Variants in AUTS2 observed in about 807,000 individuals in gnomAD.
AUTS2 encodes the protein autism susceptibility gene 2 protein.
A neutral mutation model predicts 112.4 loss-of-function variants in AUTS2; 17 were observed. That is an observed-to-expected ratio of 0.15 (90% CI 0.10 to 0.23). The LOEUF is 0.23. AUTS2 is among the 10% of genes least tolerant of loss of function. The pLI, the probability that AUTS2 is intolerant of heterozygous loss-of-function variation, is 1.00. For missense variants in AUTS2, 1,510 were observed against 1,701.6 expected (o/e 0.89, Z 1.98); for synonymous variants, 751 against 702.7 (o/e 1.07, Z -1.09).
At chr7:70,367,894 A>G (rs76864588) in intron 4 of AUTS2, among the ~76,000 whole-genome samples, 3,318 of 152,318 alleles carry the variant, frequency 0.022, 51 homozygotes, top group Non-Finnish European at 0.035. Context: ...CTGGGTTAGA[A>G]TCATTCGAAA....
intron 2 of AUTS2, among the ~76,000 whole-genome samples, chr7:70,003,225 A>G (rs867755009): frequency 1.8e-4 from 24 of 132,558 alleles, no homozygotes; most frequent in African/African-American, 6.1e-4. Flanking sequence ...TTATATATGA[A>G]TATATTATAT....
intron 6 of AUTS2, among the ~76,000 whole-genome samples, chr7:70,728,270 T>C (rs1585581764): frequency 6.6e-6 from 1 of 152,250 alleles, no homozygotes; most frequent in African/African-American, 2.4e-5. Context: ...TTAAATGCTT[T>C]ATGCCAGCCA....
At chr7:70,330,076 T>C (rs1315347030) in intron 4 of AUTS2, among the ~76,000 whole-genome samples, 2 of 152,168 alleles carry the variant, frequency 1.3e-5, no homozygotes, top group Admixed American at 1.3e-4. Context: ...TTAAAACTAT[T>C]GCATTGGAGA....
At chr7:69,912,005 A>G (rs577331488) in intron 2 of AUTS2, among the ~76,000 whole-genome samples, 61 of 152,234 alleles carry the variant, frequency 4.0e-4, no homozygotes, top group African/African-American at 1.4e-3. Context: ...ATGCCAAGGG[A>G]CACCTGTAGG....
At chr7:70,431,028 G>A (rs1270449202) in intron 4 of AUTS2, among the ~76,000 whole-genome samples, 2 of 151,814 alleles carry the variant, frequency 1.3e-5, no homozygotes, top group African/African-American at 4.8e-5. Context: ...TAGTAGAGAC[G>A]GGGTTTCACC....
chr7:69,600,046 G>T, intron 1 of AUTS2, 84 bp downstream of exon 1: 1 of 1,387,338 alleles, frequency 7.2e-7, no homozygotes, highest in South Asian at 1.2e-5. Flanking sequence ...CCCTCGCCGC[G>T]CTCCGGGCTG....
chr7:70,448,345 A>G (rs1462119454), intron 5 of AUTS2, among the ~76,000 whole-genome samples: 1 of 152,192 alleles, frequency 6.6e-6, no homozygotes, highest in African/African-American at 2.4e-5. Flanking sequence ...CCTTCAGGGC[A>G]GTTTTTTAAA....
chr7:70,169,971 T>C (rs1216906252), intron 4 of AUTS2, among the ~76,000 whole-genome samples: 2 of 151,986 alleles, frequency 1.3e-5, no homozygotes, highest in Non-Finnish European at 2.9e-5. Flanking sequence ...CTAAATAGCC[T>C]CAAGATCCAA....
chr7:70,708,916 ACT>A (rs1809888247), intron 6 of AUTS2, among the ~76,000 whole-genome samples: 1 of 138,600 alleles, frequency 7.2e-6, no homozygotes, highest in Non-Finnish European at 1.5e-5. Context: ...TTGTTTAAAT[ACT>A]TTTTTTTTTT....
rs546843901 is a variant in AUTS2 at position 70,734,620 on chromosome 7, A to C, written c.743-28250A>C. On this transcript the variant is annotated intron_variant, in intron 6 of 18. Transcript: ENST00000342771. ...ATGTATGGTAGTGTAGTTATCTGGCATCTTATCTGCTCACTGGAAATGTTG... is the reference window on the plus strand; with the variant it reads ...ATGTATGGTAGTGTAGTTATCTGGCCTCTTATCTGCTCACTGGAAATGTTG... Among the ~76,000 whole-genome samples the C allele has an allele frequency of 2.6e-5, 4 of 152,210 alleles. No homozygotes were observed. In the East Asian group the frequency reaches 7.7e-4, roughly 29 times the overall value.
At chr7:69,985,550 G>C (rs540535597) in intron 2 of AUTS2, among the ~76,000 whole-genome samples, 1 of 152,094 alleles carries the variant, frequency 6.6e-6, no homozygotes, top group Non-Finnish European at 1.5e-5. Context: ...CCAAATACTT[G>C]GTCATGGCCT....
chr7:70,180,690 G>A (rs1204814644), intron 4 of AUTS2, among the ~76,000 whole-genome samples: 1 of 152,102 alleles, frequency 6.6e-6, no homozygotes, highest in African/African-American at 2.4e-5. Context: ...TACATGAACT[G>A]CAACCTACAT....
rs560779839 is a variant in AUTS2, at chr7:70,560,401, A to G, written c.690+124620A>G. Among the ~76,000 whole-genome samples the G allele has an allele frequency of 5.9e-5, 9 of 152,334 alleles. No individual in the cohort carries two copies. In the South Asian group the frequency reaches 1.7e-3, roughly 28 times the overall value. On this transcript the variant is annotated intron_variant, in intron 5 of 18. Transcript: ENST00000342771. ...GGTTTTGTCTGTCATATTCGCTGCT[A>G]TATCTGATGTGCCTCCAATGGTCTT...
intron 1 of AUTS2, among the ~76,000 whole-genome samples, chr7:69,629,277 C>T (rs887256966): frequency 3.3e-5 from 5 of 152,180 alleles, no homozygotes; most frequent in Non-Finnish European, 7.3e-5. Context: ...CGTTTACCAC[C>T]TTAACTTTTC....
intron 2 of AUTS2, among the ~76,000 whole-genome samples, chr7:70,002,829 T>C (rs1397212149): frequency 6.6e-6 from 1 of 152,044 alleles, no homozygotes; most frequent in Non-Finnish European, 1.5e-5. Flanking sequence ...AATGTTCACA[T>C]TCTTCACATT....
At chr7:70,294,818 C>T (rs1788859165) in intron 4 of AUTS2, among the ~76,000 whole-genome samples, 1 of 152,200 alleles carries the variant, frequency 6.6e-6, no homozygotes. Flanking sequence ...CTTCCCTTCT[C>T]CGTTAAATAG....
Position 69,713,310 on chromosome 7 carries a change from TC to T in AUTS2, c.309+113350del, listed in dbSNP as rs1204630149. ...TGGTATCAAATTTTGAAATATACAA[TC>T]CAATATCATTAACTATAGTTACCCT... On this transcript the variant is annotated intron_variant, in intron 1 of 18. Transcript: ENST00000342771. 2.6e-5 allele frequency among the ~76,000 whole-genome samples: 4 copies of T among 152,164 alleles called. No individual in the cohort carries two copies. In the East Asian group the frequency reaches 7.7e-4, roughly 29 times the overall value.
At chr7:69,635,402 A>C (rs1305188206) in intron 1 of AUTS2, among the ~76,000 whole-genome samples, 1 of 152,238 alleles carries the variant, frequency 6.6e-6, no homozygotes, top group African/African-American at 2.4e-5. Flanking sequence ...CTGAAAATAC[A>C]TCTGAGAATA....
At chr7:70,527,412 T>C (rs1174255950) in intron 5 of AUTS2, among the ~76,000 whole-genome samples, 1 of 152,168 alleles carries the variant, frequency 6.6e-6, no homozygotes, top group Non-Finnish European at 1.5e-5. Flanking sequence ...GTCACTTGGC[T>C]GTAATAACTG....
Sources: gnomAD v4.1 joint callset for allele counts (sites outside exome capture counted in the v4.1 genomes callset) on GRCh38, gnomAD v4.1.1 for gene constraint, MANE v1.5 for transcripts, NCBI Gene and HGNC (gene_info 2026-07-23, HGNC 2026-07-21) for gene names.